KCNMA1: variants seen among roughly 807,000 people sequenced by gnomAD.
The protein encoded by KCNMA1 is potassium calcium-activated channel subfamily M alpha 1, also known as Calcium-activated potassium channel subunit alpha-1.
KCNMA1 carries 29 observed loss-of-function variants against 140.0 expected under a neutral mutation model. The observed-to-expected ratio is 0.21, with a 90% CI of 0.15 to 0.28. KCNMA1 has a LOEUF of 0.28. Among genes scored for constraint, KCNMA1 ranks in the 10% least tolerant of loss-of-function variants. The pLI, the probability that KCNMA1 is intolerant of heterozygous loss-of-function variation, is 1.00. For synonymous variants in KCNMA1, 612 were observed against 611.9 expected (o/e 1.00, Z 0.00); for missense variants, 880 against 1,602.2 (o/e 0.55, Z 7.70).
intron 1 of KCNMA1, among the ~76,000 whole-genome samples, chr10:77,606,761 T>C (rs1043286549): frequency 2.6e-5 from 4 of 152,156 alleles, no homozygotes; most frequent in African/African-American, 4.8e-5. Flanking sequence ...CTCTGGGAAC[T>C]TGGAGTATTC....
At chr10:77,231,079 A>G (rs1039018600) in intron 3 of KCNMA1, among the ~76,000 whole-genome samples, 10 of 152,186 alleles carry the variant, frequency 6.6e-5, no homozygotes. Context: ...TAATTGAGAA[A>G]TCAGTTATTT....
At chr10:77,339,603 C>T (rs1345680923) in intron 2 of KCNMA1, among the ~76,000 whole-genome samples, 4 of 152,202 alleles carry the variant, frequency 2.6e-5, no homozygotes, top group Admixed American at 1.3e-4. Context: ...CCCAAGAGAA[C>T]TAAATGTTTC....
rs2056947480 is a variant in KCNMA1, at chr10:77,240,321, T to C, written c.602+10874A>G. Among the ~76,000 whole-genome samples the C allele has an allele frequency of 3.3e-5, 5 of 152,176 alleles. No individual in the cohort carries two copies. In the South Asian group the frequency reaches 1.0e-3, roughly 32 times the overall value. On this transcript the variant is annotated intron_variant, in intron 3 of 27. Coordinates refer to ENST00000286628, the MANE Select transcript of KCNMA1 (RefSeq NM_001161352.2). ...GTAAGCTGTAGATGATTTATTGGTG[T>C]GGCATACAGTATTTGCCTCGAGAAA...
chr10:77,236,140 G>A (rs1235491503), intron 3 of KCNMA1, among the ~76,000 whole-genome samples: 3 of 152,096 alleles, frequency 2.0e-5, no homozygotes, highest in South Asian at 2.1e-4. Context: ...TTTGAACTCC[G>A]AGGCCCGGGC....
intron 2 of KCNMA1, among the ~76,000 whole-genome samples, chr10:77,259,694 C>T (rs1299378460): frequency 6.6e-6 from 1 of 152,256 alleles, no homozygotes; most frequent in African/African-American, 2.4e-5. Flanking sequence ...AGAAGCCTCA[C>T]CTGCTCACAT....
intron 3 of KCNMA1, among the ~76,000 whole-genome samples, chr10:77,224,897 C>T (rs1337948555): frequency 6.6e-6 from 1 of 152,180 alleles, no homozygotes; most frequent in Non-Finnish European, 1.5e-5. Context: ...ATAGTAAGCA[C>T]TCAACATACT....
chr10:77,406,894 T>C (rs2096488079), intron 1 of KCNMA1, among the ~76,000 whole-genome samples: 1 of 152,122 alleles, frequency 6.6e-6, no homozygotes, highest in African/African-American at 2.4e-5. Flanking sequence ...GGGGCCCAAG[T>C]TCCACAGCCC....
At chr10:77,160,069 C>T (rs1013904913) in intron 5 of KCNMA1, among the ~76,000 whole-genome samples, 2 of 152,280 alleles carry the variant, frequency 1.3e-5, no homozygotes, top group South Asian at 2.1e-4. Context: ...CTGCAGGACA[C>T]GGTCAAAGAG....
rs578201450 is a variant in KCNMA1, at chr10:77,451,535, G to A, written c.379-47512C>T. On this transcript the variant is annotated intron_variant, in intron 1 of 27. Coordinates refer to ENST00000286628, the MANE Select transcript of KCNMA1 (RefSeq NM_001161352.2). ...CCCGAACTACAGAGGTATGAATACAGGGCAATTGAAGTTCAGAGGACGAAA... is the reference window on the plus strand; with the variant it reads ...CCCGAACTACAGAGGTATGAATACAAGGCAATTGAAGTTCAGAGGACGAAA... Among the ~76,000 whole-genome samples, 49 of 152,320 alleles carry A rather than the reference G, an allele frequency of 3.2e-4. No individual in the cohort carries two copies. In the South Asian group the frequency reaches 9.7e-3, roughly 30 times the overall value.
rs1392727147 is a variant in KCNMA1, at chr10:77,001,669, G to A, written c.2093-89C>T. 3.8e-6 allele frequency: 4 copies of A among 1,058,720 alleles called. No individual in the cohort carries two copies. The African/African-American group carries it at 6.3e-5, about 17-fold the overall frequency. 65.6% of individuals were successfully genotyped at this position (1,058,720 alleles called of 1,614,324 possible). On this transcript the variant is annotated intron_variant, in intron 18 of 27. Transcript: ENST00000286628. ...GCAAGGCAGCTGGAAGGGAGCTGAA[G>A]GGATTTAACACAGGTCTTAGTTCAC... is the stretch of plus-strand genomic sequence containing the variant.
At chr10:76,940,992 A>AG (rs2152822470) in intron 23 of KCNMA1, among the ~76,000 whole-genome samples, 2 of 80,036 alleles carry the variant, frequency 2.5e-5, no homozygotes, top group South Asian at 7.1e-4. Flanking sequence ...AGAGAAAGAG[A>AG]GAAAGAAAGG....
At chr10:77,160,985 C>T (rs187428645) in intron 5 of KCNMA1, among the ~76,000 whole-genome samples, 193 of 152,304 alleles carry the variant, frequency 1.3e-3, no homozygotes, top group Admixed American at 4.5e-3. Flanking sequence ...TCTTGACTTA[C>T]GAGCCTATTT....
intron 5 of KCNMA1, among the ~76,000 whole-genome samples, chr10:77,168,770 G>T (rs572281008): frequency 3.2e-4 from 48 of 152,266 alleles, no homozygotes; most frequent in Admixed American, 7.8e-4. Context: ...TTGATTAGTA[G>T]CTATTGTATG....
intron 18 of KCNMA1, among the ~76,000 whole-genome samples, chr10:77,007,741 A>T (rs1285155484): frequency 1.3e-5 from 2 of 149,478 alleles, no homozygotes; most frequent in Non-Finnish European, 3.0e-5. Flanking sequence ...TCCAAGCTCA[A>T]TAACAAAGGA....
chr10:77,111,220 A>C (rs889581523), intron 7 of KCNMA1, among the ~76,000 whole-genome samples: 1 of 152,160 alleles, frequency 6.6e-6, no homozygotes, highest in African/African-American at 2.4e-5. Flanking sequence ...GGAGAGAGGG[A>C]GCTGCGGGCC....
chr10:77,403,016 C>T (rs1438945429), intron 2 of KCNMA1, among the ~76,000 whole-genome samples: 1 of 152,180 alleles, frequency 6.6e-6, no homozygotes, highest in East Asian at 1.9e-4. Context: ...ACCAATTCAT[C>T]CCTGTTTGCC....
At chr10:77,125,044 C>T (rs2097703303) in intron 5 of KCNMA1, among the ~76,000 whole-genome samples, 1 of 152,088 alleles carries the variant, frequency 6.6e-6, no homozygotes, top group Admixed American at 6.5e-5. Context: ...CGTGAGAACT[C>T]ACTATCACGA....
At chr10:77,340,134 G>C (rs1249699064) in intron 2 of KCNMA1, among the ~76,000 whole-genome samples, 3 of 152,170 alleles carry the variant, frequency 2.0e-5, no homozygotes, top group African/African-American at 7.2e-5. Flanking sequence ...CTGGCCATCA[G>C]AGAAATGCAA....
chr10:77,067,906 G>A (rs969749311), intron 14 of KCNMA1, among the ~76,000 whole-genome samples: 8 of 152,208 alleles, frequency 5.3e-5, no homozygotes, highest in Non-Finnish European at 1.2e-4. Context: ...CTGGAACATG[G>A]TAGGTCCCCA....
Sources: allele counts gnomAD v4.1 joint callset (sites outside exome capture counted in the v4.1 genomes callset), GRCh38; gene constraint gnomAD v4.1.1; transcripts MANE v1.5; gene names NCBI Gene and HGNC (gene_info 2026-07-23, HGNC 2026-07-21).